Variants in BMPR1A observed in about 807,000 individuals in gnomAD.
The protein encoded by BMPR1A is bone morphogenetic protein receptor type-1A.
Under a neutral mutation model 66.0 loss-of-function variants are expected in BMPR1A, and 7 were observed. That is an observed-to-expected ratio of 0.11 (90% CI 0.06 to 0.20). The LOEUF (loss-of-function observed/expected upper bound fraction) is 0.20. BMPR1A is among the 10% of genes least tolerant of loss of function. The probability of loss-of-function intolerance (pLI) is 1.00; values close to 1 mark genes in which losing one functional copy is unlikely to be tolerated. For synonymous variants in BMPR1A, 200 were observed against 229.7 expected (o/e 0.87, Z 1.17); for missense variants, 408 against 669.1 (o/e 0.61, Z 4.31).
intron 2 of BMPR1A, among the ~76,000 whole-genome samples, chr10:86,861,596 A>C (rs555958606): frequency 6.6e-6 from 1 of 152,320 alleles, no homozygotes; most frequent in African/African-American, 2.4e-5. Flanking sequence ...TTTTGTCTGT[A>C]ATTATTTCCA....
intron 3 of BMPR1A, among the ~76,000 whole-genome samples, chr10:86,876,464 G>A (rs1446532713): frequency 1.3e-5 from 2 of 152,110 alleles, no homozygotes; most frequent in African/African-American, 4.8e-5. Flanking sequence ...AATACAATAA[G>A]GAGCAAGTGT....
At chr10:86,859,761 G>C (rs1842689227) in intron 2 of BMPR1A, among the ~76,000 whole-genome samples, 1 of 152,130 alleles carries the variant, frequency 6.6e-6, no homozygotes, top group African/African-American at 2.4e-5. Context: ...AGTGAGCCAA[G>C]ATTGCGCCAC....
chr10:86,877,421 A>T (rs1463183481), intron 3 of BMPR1A, among the ~76,000 whole-genome samples: 1 of 151,892 alleles, frequency 6.6e-6, no homozygotes, highest in East Asian at 1.9e-4. Flanking sequence ...GTTAGCCAGG[A>T]TGGTCTCGAT....
chr10:86,851,473 G>T (rs113624820), intron 2 of BMPR1A, among the ~76,000 whole-genome samples: 3 of 152,248 alleles, frequency 2.0e-5, no homozygotes, highest in African/African-American at 7.2e-5. Flanking sequence ...TTTACCGTTG[G>T]ATAGTCACTA....
intron 1 of BMPR1A, among the ~76,000 whole-genome samples, chr10:86,785,233 G>A (rs1312479756): frequency 2.0e-5 from 3 of 152,218 alleles, no homozygotes. Flanking sequence ...CCTAACATGT[G>A]ATCTGTCTTG....
At position 86,926,099 on chromosome 10, in the gene BMPR1A, G is replaced by A. The variant is rs935443430; in HGVS notation, c.*2380G>A. Reference sequence around the variant, plus strand: ...AGCCAGTATATGAGACCACTATTATGGTTTTTTAAAATTAACTTGGTCTAG... The same window carrying A: ...AGCCAGTATATGAGACCACTATTATAGTTTTTTAAAATTAACTTGGTCTAG... On this transcript the variant is annotated 3_prime_UTR_variant, in exon 13 of 13. Coordinates refer to ENST00000372037, the MANE Select transcript of BMPR1A (RefSeq NM_004329.3). The A allele has an allele frequency of 5.8e-6, 1 of 171,912 alleles. No homozygotes were observed. Among genetic ancestry groups the A allele is most frequent in the Non-Finnish European group, 1.3e-5 (1 of 79,572 alleles). 10.6% of individuals were successfully genotyped at this position (171,912 alleles called of 1,614,324 possible).
chr10:86,843,973 G>A (rs536950864), intron 2 of BMPR1A, among the ~76,000 whole-genome samples: 1 of 152,266 alleles, frequency 6.6e-6, no homozygotes, highest in East Asian at 1.9e-4. Flanking sequence ...GGCAGAAGAA[G>A]GGACACCGAT....
intron 8 of BMPR1A, among the ~76,000 whole-genome samples, chr10:86,914,779 A>G (rs996936215): frequency 1.3e-5 from 2 of 152,240 alleles, no homozygotes; most frequent in African/African-American, 2.4e-5. Context: ...TGGTATGGCT[A>G]TTTTGAAAAA....
At chr10:86,905,374 A>G (rs893629458) in intron 7 of BMPR1A, among the ~76,000 whole-genome samples, 1 of 152,066 alleles carries the variant, frequency 6.6e-6, no homozygotes. Flanking sequence ...AACACTTACT[A>G]ATTTTATCTT....
At chr10:86,827,930 G>T (rs1343769314) in intron 1 of BMPR1A, among the ~76,000 whole-genome samples, 1 of 152,192 alleles carries the variant, frequency 6.6e-6, no homozygotes, top group African/African-American at 2.4e-5. Flanking sequence ...AAAGAGGGCG[G>T]ATCACAAGAT....
Position 86,884,394 on chromosome 10 carries a change from A to ATTTTTTTTTTTTTT in BMPR1A, c.68-5644_68-5631dup, listed in dbSNP as rs759424209. On this transcript the variant is annotated intron_variant, in intron 3 of 12. Coordinates refer to ENST00000372037, the MANE Select transcript of BMPR1A (RefSeq NM_004329.3). ...AGCCACCATGCCTGGCAAACACATG[A>ATTTTTTTTTTTTTT]TTTTTTTTTTTTTTTTTTTTTTTTT... Among the ~76,000 whole-genome samples the ATTTTTTTTTTTTTT allele has an allele frequency of 5.3e-4, 26 of 49,348 alleles. 7 individuals carry two copies. The highest frequency in any genetic ancestry group is 9.4e-4 in the Non-Finnish European group (21 of 22,330). 32.4% of individuals were successfully genotyped at this position (49,348 alleles called of 152,430 possible).
At chr10:86,770,117 C>T (rs1841229873) in intron 1 of BMPR1A, among the ~76,000 whole-genome samples, 1 of 152,104 alleles carries the variant, frequency 6.6e-6, no homozygotes, top group Non-Finnish European at 1.5e-5. Flanking sequence ...ATGGCGAAAC[C>T]CCGTCTCTAC....
At chr10:86,804,792 G>GTTTTTTTTTTTTTTTTTTTTTT (rs5786747) in intron 1 of BMPR1A, among the ~76,000 whole-genome samples, 34 of 57,256 alleles carry the variant, frequency 5.9e-4, no homozygotes, top group Non-Finnish European at 7.6e-4. Flanking sequence ...GTTTGTAGGT[G>GTTTTTTTTTTTTTTTTTTTTTT]TTTTTTTTTT....
At chr10:86,894,835 C>A (rs1377756350) in intron 5 of BMPR1A, among the ~76,000 whole-genome samples, 1 of 152,166 alleles carries the variant, frequency 6.6e-6, no homozygotes, top group Non-Finnish European at 1.5e-5. Flanking sequence ...TTACCCATAT[C>A]CCTGGGTACA....
chr10:86,790,206 T>A lies in BMPR1A; in HGVS notation c.-268+33287T>A, dbSNP rs1205892518. ...AAAAAAAAATATATATATATATATATATATATATATATATATATATATATA... is the reference window on the plus strand; with the variant it reads ...AAAAAAAAATATATATATATATATAAATATATATATATATATATATATATA... On this transcript the variant is annotated intron_variant, in intron 1 of 12. Coordinates refer to ENST00000372037, the MANE Select transcript of BMPR1A (RefSeq NM_004329.3). Among the ~76,000 whole-genome samples the A allele has an allele frequency of 3.4e-3, 113 of 33,438 alleles. 10 individuals are homozygous for A. Among genetic ancestry groups the A allele is most frequent in the African/African-American group, 6.0e-3 (55 of 9,198 alleles). 21.9% of individuals were successfully genotyped at this position (33,438 alleles called of 152,430 possible).
chr10:86,824,650 T>C (rs1161568860), intron 1 of BMPR1A, among the ~76,000 whole-genome samples: 5 of 152,206 alleles, frequency 3.3e-5, no homozygotes, highest in African/African-American at 1.2e-4. Flanking sequence ...TAATTGAAAA[T>C]AATTTTATTT....
chr10:86,816,737 T>G (rs1363506824), intron 1 of BMPR1A, among the ~76,000 whole-genome samples: 2 of 152,188 alleles, frequency 1.3e-5, no homozygotes, highest in Non-Finnish European at 2.9e-5. Flanking sequence ...TATTTAAGGC[T>G]CTCCGTATCT....
intron 1 of BMPR1A, among the ~76,000 whole-genome samples, chr10:86,779,806 T>A (rs979651805): frequency 6.6e-6 from 1 of 152,224 alleles, no homozygotes; most frequent in Non-Finnish European, 1.5e-5. Flanking sequence ...CTCGCTATGT[T>A]GCCCAGGCTT....
chr10:86,920,435 A>T (rs1843645118), intron 10 of BMPR1A, among the ~76,000 whole-genome samples: 1 of 152,202 alleles, frequency 6.6e-6, no homozygotes, highest in Admixed American at 6.5e-5. Context: ...AAACCATTTT[A>T]ATCTTGTAAT....
Sources: gnomAD v4.1 joint callset for allele counts (sites outside exome capture counted in the v4.1 genomes callset) on GRCh38, gnomAD v4.1.1 for gene constraint, MANE v1.5 for transcripts, NCBI Gene and HGNC (gene_info 2026-07-23, HGNC 2026-07-21) for gene names.